The following RAB10 variants were observed in gnomAD, a reference collection of about 807,000 sequenced individuals.
RAB10 encodes ras-related protein Rab-10.
RAB10 carries 5 observed loss-of-function variants against 25.7 expected under a neutral mutation model. That is an observed-to-expected ratio of 0.19 (90% CI 0.10 to 0.41). RAB10 has a LOEUF of 0.41. Among genes scored for constraint, RAB10 ranks in the 10% least tolerant of loss-of-function variants. The pLI is 1.00. For missense variants in RAB10, 103 were observed against 245.8 expected (o/e 0.42, Z 3.89); for synonymous variants, 89 against 86.4 (o/e 1.03, Z -0.16).
chr2:26,042,531 A>T (rs1290028877), intron 1 of RAB10: 2 of 152,148 alleles, frequency 1.3e-5, no homozygotes, highest in Non-Finnish European at 2.9e-5. Context: ...CTGTAGTCCC[A>T]GCTACTCAGG....
chr2:26,059,606 G>A (rs921280588), intron 1 of RAB10, among the ~76,000 whole-genome samples: 3 of 152,066 alleles, frequency 2.0e-5, no homozygotes, highest in Admixed American at 6.5e-5. Context: ...ATTACCATAC[G>A]ATGCAGCAAT....
chr2:26,094,846 A>G (rs1667178264), intron 1 of RAB10, among the ~76,000 whole-genome samples: 1 of 152,240 alleles, frequency 6.6e-6, no homozygotes, highest in South Asian at 2.1e-4. Context: ...GGCGTGAGCC[A>G]CTGTGCCCGG....
chr2:26,044,303 G>A (rs2149261972), intron 1 of RAB10, among the ~76,000 whole-genome samples: 1 of 152,300 alleles, frequency 6.6e-6, no homozygotes, highest in East Asian at 1.9e-4. Context: ...GTTAACCAGT[G>A]GTTGTGAATC....
intron 1 of RAB10, among the ~76,000 whole-genome samples, chr2:26,044,148 T>C (rs967324988): frequency 3.3e-5 from 5 of 152,230 alleles, no homozygotes; most frequent in African/African-American, 9.6e-5. Context: ...TTTAATGTTA[T>C]GTTTTAGAAA....
chr2:26,105,621 C>T (rs980641792), intron 2 of RAB10, among the ~76,000 whole-genome samples: 3 of 152,032 alleles, frequency 2.0e-5, no homozygotes, highest in Admixed American at 1.3e-4. Flanking sequence ...TGCCACTGTA[C>T]TCTGTGAGAC....
At chr2:26,050,097 A>G (rs1666100811) in intron 1 of RAB10, among the ~76,000 whole-genome samples, 1 of 152,140 alleles carries the variant, frequency 6.6e-6, no homozygotes, top group South Asian at 2.1e-4. Context: ...GTTTTTTTGC[A>G]ATACCTTTCT....
At chr2:26,065,835 ATAT>A (rs1199237449) in intron 1 of RAB10, among the ~76,000 whole-genome samples, 9 of 152,170 alleles carry the variant, frequency 5.9e-5, no homozygotes, top group Non-Finnish European at 1.0e-4. Flanking sequence ...AGTTGGTAAA[ATAT>A]TATAGTCTTT....
At chr2:26,114,129 C>T (rs1251954316) in intron 3 of RAB10, among the ~76,000 whole-genome samples, 1 of 152,036 alleles carries the variant, frequency 6.6e-6, no homozygotes, top group Non-Finnish European at 1.5e-5. Flanking sequence ...AATTGGAAGA[C>T]AATATTAAGA....
upstream of RAB10, among the ~76,000 whole-genome samples, chr2:26,033,877 A>G (rs1409979057): frequency 6.6e-6 from 1 of 152,166 alleles, no homozygotes; most frequent in East Asian, 1.9e-4. Flanking sequence ...CGCGCACCCT[A>G]TCAGGCGGCC....
chr2:26,104,989 G>A (rs1053408948), intron 2 of RAB10, among the ~76,000 whole-genome samples: 3 of 151,878 alleles, frequency 2.0e-5, no homozygotes, highest in Non-Finnish European at 2.9e-5. Flanking sequence ...CACCCGCCTC[G>A]GCCTCCCAAA....
intron 1 of RAB10, among the ~76,000 whole-genome samples, chr2:26,047,807 C>T (rs13408017): frequency 0.034 from 5,082 of 150,110 alleles, 293 homozygotes; most frequent in African/African-American, 0.12. Context: ...CACTGCAACC[C>T]CTGCCTCCTG....
intron 1 of RAB10, among the ~76,000 whole-genome samples, chr2:26,038,855 G>A (rs991607862): frequency 1.3e-5 from 2 of 150,720 alleles, no homozygotes; most frequent in Admixed American, 6.6e-5. Flanking sequence ...CCAGAAGGTG[G>A]CGGAGCTTGC....
chr2:26,082,557 A>T (rs569878704), intron 1 of RAB10, among the ~76,000 whole-genome samples: 1 of 152,296 alleles, frequency 6.6e-6, no homozygotes, highest in East Asian at 1.9e-4. Flanking sequence ...GGATATTTTA[A>T]CAGTCCTCTC....
At chr2:26,092,465 A>G (rs1473247338) in intron 1 of RAB10, among the ~76,000 whole-genome samples, 4 of 152,174 alleles carry the variant, frequency 2.6e-5, no homozygotes, top group African/African-American at 7.2e-5. Context: ...GAGGAAACTT[A>G]GTGAGGAAGG....
At chr2:26,057,470 G>T (rs1444135291) in intron 1 of RAB10, among the ~76,000 whole-genome samples, 3 of 151,808 alleles carry the variant, frequency 2.0e-5, no homozygotes, top group African/African-American at 7.3e-5. Flanking sequence ...AAACTATAAG[G>T]AATATTAACA....
chr2:26,048,695 C>T (rs938128055), intron 1 of RAB10, among the ~76,000 whole-genome samples: 10 of 152,016 alleles, frequency 6.6e-5, no homozygotes, highest in South Asian at 4.1e-4. Context: ...GGCAACATGG[C>T]GAAACCCTAT....
chr2:26,060,885 A>G (rs1042213542), intron 1 of RAB10, among the ~76,000 whole-genome samples: 6 of 152,180 alleles, frequency 3.9e-5, no homozygotes, highest in African/African-American at 1.4e-4. Flanking sequence ...AGATGGCTAC[A>G]GAGCTTCCAT....
At chr2:26,066,056 G>C (rs1033181526) in intron 1 of RAB10, among the ~76,000 whole-genome samples, 2 of 152,188 alleles carry the variant, frequency 1.3e-5, no homozygotes, top group African/African-American at 4.8e-5. Flanking sequence ...ACAGTAATAT[G>C]AGATGTTTTA....
At position 26,116,321 on chromosome 2, in the gene RAB10, A is replaced by G. The variant is rs576653190; in HGVS notation, c.327+6415A>G. ...GCATGTGCCACCATGCCTGACTCAC[A>G]GGTCCACTTAATATACATTTTTTTC... On this transcript the variant is annotated intron_variant, in intron 3 of 5. Transcript: ENST00000264710. Among the ~76,000 whole-genome samples, 18 of 152,100 alleles carry G rather than the reference A, an allele frequency of 1.2e-4. No individual in the cohort carries two copies. The Middle Eastern group carries it at 0.01, about 86-fold the overall frequency.
Sources: allele counts gnomAD v4.1 joint callset (sites outside exome capture counted in the v4.1 genomes callset), GRCh38; gene constraint gnomAD v4.1.1; transcripts MANE v1.5; gene names NCBI Gene and HGNC (gene_info 2026-07-23, HGNC 2026-07-21).